The following CNTNAP1 variants were observed in gnomAD, a reference collection of about 807,000 sequenced individuals.
CNTNAP1 encodes contactin-associated protein 1.
Under a neutral mutation model 161.5 loss-of-function variants are expected in CNTNAP1, and 80 were observed. The ratio of observed to expected loss-of-function variants is 0.50; its 90% CI spans 0.41 to 0.60. CNTNAP1 has a LOEUF of 0.60. CNTNAP1 is among the 20% of genes least tolerant of loss of function. The pLI is 0.00. For missense variants in CNTNAP1, 1,464 were observed against 1,854.8 expected (o/e 0.79, Z 3.87); for synonymous variants, 695 against 733.1 (o/e 0.95, Z 0.84).
At position 42,697,268 on chromosome 17, in the gene CNTNAP1, C is replaced by A. The variant is rs745992040; in HGVS notation, c.3475-6C>A. Reference sequence around the variant, plus strand: ...ATCGCCCTCCCCCTCCCCCTCCCCACCTCAGGTGGACTACTTCCCACTGAC... The same window carrying A: ...ATCGCCCTCCCCCTCCCCCTCCCCAACTCAGGTGGACTACTTCCCACTGAC... On this transcript the variant is annotated splice_polypyrimidine_tract_variant and splice_region_variant and intron_variant, in intron 20 of 23. Coordinates refer to ENST00000264638, the MANE Select transcript of CNTNAP1 (RefSeq NM_003632.3). 5 of 1,610,542 alleles carry A rather than the reference C, an allele frequency of 3.1e-6. No homozygotes were observed. Among genetic ancestry groups the A allele is most frequent in the Middle Eastern group, 1.7e-4 (1 of 6,056 alleles).
At position 42,686,150 on chromosome 17, in the gene CNTNAP1, CTAGGGAGGTGCTATTTCGTGG is replaced by C; in HGVS notation, c.900+15_900+35del. ...TGAACCTGGACACTGAGGTGAGAGA[CTAGGGAGGTGCTATTTCGTGG>C]TAGGGTAGATGCTGGATGAGTGAGT... On this transcript the variant is annotated intron_variant, in intron 6 of 23. Transcript: ENST00000264638. 1 of 1,613,544 alleles carries C rather than the reference CTAGGGAGGTGCTATTTCGTGG, an allele frequency of 6.2e-7. No individual in the cohort carries two copies. The highest frequency in any genetic ancestry group is 2.2e-5 in the East Asian group (1 of 44,874).
intron 21 of CNTNAP1, 43 bp downstream of exon 21, chr17:42,697,410 C>T: frequency 6.2e-7 from 1 of 1,608,006 alleles, no homozygotes; most frequent in Non-Finnish European, 8.5e-7. Context: ...GGAGCTGTGG[C>T]ATATGTTCCT....
intron 6 of CNTNAP1, among the ~76,000 whole-genome samples, chr17:42,686,573 T>C (rs1228351835): frequency 6.7e-6 from 1 of 149,860 alleles, no homozygotes; most frequent in African/African-American, 2.4e-5. Context: ...AATTCAGATT[T>C]TGGGGACTAG....
rs1269754489 is a variant in CNTNAP1, at chr17:42,695,888, G to C, written c.3346+14G>C. 2 of 1,605,646 alleles carry C rather than the reference G, an allele frequency of 1.2e-6. No individual in the cohort carries two copies. The highest frequency in any genetic ancestry group is 1.7e-6 in the Non-Finnish European group (2 of 1,173,890). Reference sequence around the variant, plus strand: ...TCAAGGATGATGGTAAGCTCTCCCGGGCTCTCTCACCCCACTCCAGCTTCA... The same window carrying C: ...TCAAGGATGATGGTAAGCTCTCCCGCGCTCTCTCACCCCACTCCAGCTTCA... On this transcript the variant is annotated intron_variant, in intron 19 of 23. Transcript: ENST00000264638.
Position 42,692,625 on chromosome 17 carries a change from A to G in CNTNAP1, c.2657A>G (p.Gln886Arg), listed in dbSNP as rs766349836. The change falls in exon 17 of 24, where the codon CAG becomes CGG. Residue 886 changes from glutamine to arginine, a missense_variant. This residue lies in a region of CNTNAP1 where 1,383 missense variants were observed against 1,765.0 expected (regional missense o/e 0.78). Transcript: ENST00000264638. ...GTCCGGGCTGAAATCAACGTGAAGCAGGCCCGGCTCCGAGTGGATCACCGG... is the reference window on the plus strand; with the variant it reads ...GTCCGGGCTGAAATCAACGTGAAGCGGGCCCGGCTCCGAGTGGATCACCGG... The part of the protein sequence containing the change: ...HLVRAEINVK[Q>R]ARLRVDHRPW... 2.4e-5 allele frequency: 39 copies of G among 1,614,138 alleles called. 1 individual carries two copies. Among genetic ancestry groups the G allele is most frequent in the Middle Eastern group, 3.3e-4 (2 of 6,084 alleles).
chr17:42,685,516 G>A lies in CNTNAP1; in HGVS notation c.715+96G>A. 8.3e-7 allele frequency: 1 copy of A among 1,205,450 alleles called. No homozygotes were observed. The highest frequency in any genetic ancestry group is 2.7e-4 in the Middle Eastern group (1 of 3,674). 74.7% of individuals were successfully genotyped at this position (1,205,450 alleles called of 1,614,324 possible). A position where few individuals can be genotyped will look rare whatever the true frequency, so the allele number is the denominator to read the frequency against. ...TCCTCCGCGCATCCGCGCTCAGCCT[G>A]GTCTTCCACTTCTCTAAGGCCTGGA... On this transcript the variant is annotated intron_variant, in intron 5 of 23. Transcript: ENST00000264638. This position sits in a 1 kb window ranked among gnomAD's most constrained non-coding sequence, Gnocchi z 5.0.
At position 42,693,334 on chromosome 17, in the gene CNTNAP1, C is replaced by T; in HGVS notation, c.2790C>T (p.Cys930=). ...AELKRRPFVG[C]LRAMRLNGVT... is the part of the protein sequence containing the mutation. ...TTAAGAGACGCCCCTTTGTGGGTTG[C>T]TTGAGGGCCATGCGTCTGAACGGAG... is the stretch of plus-strand genomic sequence containing the variant. Residue 930 remains cysteine (C), a synonymous_variant, in exon 18 of 24, where the codon TGC becomes TGT. Coordinates refer to ENST00000264638, the MANE Select transcript of CNTNAP1 (RefSeq NM_003632.3). 6.2e-7 allele frequency: 1 copy of T among 1,614,200 alleles called. No individual in the cohort carries two copies. The highest frequency in any genetic ancestry group is 8.5e-7 in the Non-Finnish European group (1 of 1,180,036).
chr17:42,685,192 G>T lies in CNTNAP1; in HGVS notation c.512-25G>T. On this transcript the variant is annotated intron_variant, in intron 4 of 23. Transcript: ENST00000264638. The surrounding 1 kb of genome is among the most constrained non-coding windows in gnomAD (Gnocchi z 5.0). Reference sequence around the variant, plus strand: ...CTGGGAGACAGCCTCCCCAGTTCCCGGCCCACCTACGGTCCTTTGCGCAGA... The same window carrying T: ...CTGGGAGACAGCCTCCCCAGTTCCCTGCCCACCTACGGTCCTTTGCGCAGA... 1 of 1,612,198 alleles carries T rather than the reference G, an allele frequency of 6.2e-7. No individual in the cohort carries two copies. The highest frequency in any genetic ancestry group is 1.3e-5 in the African/African-American group (1 of 75,036).
At chr17:42,694,080 C>T (rs1209096107) in intron 18 of CNTNAP1, among the ~76,000 whole-genome samples, 2 of 152,006 alleles carry the variant, frequency 1.3e-5, no homozygotes, top group African/African-American at 4.8e-5. Flanking sequence ...AGGCTGGTCT[C>T]GAACTCTTGA....
At chr17:42,686,736 A>C (rs553144623) in intron 6 of CNTNAP1, among the ~76,000 whole-genome samples, 167 bp from the exon 7 acceptor site, 9 of 152,220 alleles carry the variant, frequency 5.9e-5, no homozygotes, top group Non-Finnish European at 1.0e-4. Flanking sequence ...GCTTGAACTC[A>C]AGCCTTGAAA....
rs2053138710 is a variant in CNTNAP1, at chr17:42,695,439, G to A, written c.2993-82G>A. ...TGGCAGAAACTGAAGTAAGTCTCAG[G>A]ATGTGTGTATGGATGACATAAAACC... On this transcript the variant is annotated intron_variant, in intron 18 of 23. Coordinates refer to ENST00000264638, the MANE Select transcript of CNTNAP1 (RefSeq NM_003632.3). 2.8e-5 allele frequency: 31 copies of A among 1,099,804 alleles called. No individual in the cohort carries two copies. In the South Asian group the frequency reaches 4.3e-4, roughly 15 times the overall value. The allele number at this position is 1,099,804 out of a possible 1,614,324, so 68.1% of individuals were successfully genotyped here. A position where few individuals can be genotyped will look rare whatever the true frequency, so the allele number is the denominator to read the frequency against.
rs765569295 is a variant in CNTNAP1, at chr17:42,689,035, G to T, written c.1616G>T (p.Gly539Val). ...GCTGAGGTCCTCTTTGATACATGTG[G>T]CATCACTGATAGGTACCCAGAAGCC... The part of the protein sequence containing the change: ...FYAEVLFDTC[G>V]ITDRCSPNMC... Residue 539 changes from glycine (G) to valine (V), a missense_variant, in exon 10 of 24, where the codon GGC becomes GTC. Gly to Val is a moderately radical substitution (Grantham distance 109). Transcript: ENST00000264638. 1 of 1,585,262 alleles carries T rather than the reference G, an allele frequency of 6.3e-7. No individual in the cohort carries two copies. The highest frequency in any genetic ancestry group is 8.6e-7 in the Non-Finnish European group (1 of 1,164,074).
Position 42,687,117 on chromosome 17 carries a change from A to G in CNTNAP1, c.1044+71A>G. On this transcript the variant is annotated intron_variant, in intron 7 of 23. Coordinates refer to ENST00000264638, the MANE Select transcript of CNTNAP1 (RefSeq NM_003632.3). The surrounding 1 kb of genome is among the most constrained non-coding windows in gnomAD (Gnocchi z 4.7). ...TGGAAAGCAAAGAGGTGGAGCGGGA[A>G]GAGATATTGAACATCAGATAAAAGC... 1 of 1,559,870 alleles carries G rather than the reference A, an allele frequency of 6.4e-7. No homozygotes were observed. The highest frequency in any genetic ancestry group is 2.3e-5 in the East Asian group (1 of 44,102).
In CNTNAP1 at chr17:42,691,183, C is replaced by T. The variant is rs748013360; in HGVS notation, c.2106C>T (p.His702=). 3 of 1,614,068 alleles carry T rather than the reference C, an allele frequency of 1.9e-6. No individual in the cohort carries two copies. Among genetic ancestry groups the T allele is most frequent in the Admixed American group, 1.7e-5 (1 of 60,006 alleles). Residue 702 remains histidine (H), a synonymous_variant, in exon 14 of 24, where the codon CAC becomes CAT. Coordinates refer to ENST00000264638, the MANE Select transcript of CNTNAP1 (RefSeq NM_003632.3). The surrounding 1 kb of genome is among the most constrained non-coding windows in gnomAD (Gnocchi z 4.3). ...GGATTGGCCGAAATGAGGAGCAGCA[C>T]TTCTACTGGGGAGGCTCCCAGCCTG... The part of the protein sequence containing the change: ...SFWIGRNEEQ[H]FYWGGSQPGI...
At chr17:42,688,409 T>G in intron 8 of CNTNAP1, 53 bp from the exon 9 acceptor site, 1 of 1,612,792 alleles carries the variant, frequency 6.2e-7, no homozygotes, top group Non-Finnish European at 8.5e-7. Context: ...AGAACATTCT[T>G]CTACCCTAGT....
rs1337560157 is a variant in CNTNAP1, at chr17:42,685,665, C to T, written c.715+245C>T. On this transcript the variant is annotated intron_variant, in intron 5 of 23. Transcript: ENST00000264638. The surrounding 1 kb of genome is among the most constrained non-coding windows in gnomAD (Gnocchi z 5.0). ...GACCTCGGATGGGGCACTTCCGAGC[C>T]TCAGTTCCCTCCTTGTAAACACACA... Among the ~76,000 whole-genome samples the T allele has an allele frequency of 2.6e-5, 4 of 152,220 alleles. No individual in the cohort carries two copies. Among genetic ancestry groups the T allele is most frequent in the Admixed American group, 2.6e-4 (4 of 15,284 alleles).
rs767850428 is a variant in CNTNAP1 at position 42,693,376 on chromosome 17, G to A, written c.2832G>A (p.Glu944=). 2.5e-6 allele frequency: 4 copies of A among 1,614,226 alleles called. No individual in the cohort carries two copies. The highest frequency in any genetic ancestry group is 2.2e-5 in the South Asian group (2 of 91,088). Reference sequence around the variant, plus strand: ...TGAACGGAGTGACTCTGAACCTGGAGGGCCGTGCCAATGCCTCTGAGGGTA... The same window carrying A: ...TGAACGGAGTGACTCTGAACCTGGAAGGCCGTGCCAATGCCTCTGAGGGTA... ...MRLNGVTLNL[E]GRANASEGTS... The change falls in exon 18 of 24, where the codon GAG becomes GAA. Residue 944 remains glutamate, a synonymous_variant. Transcript: ENST00000264638.
In CNTNAP1 at chr17:42,695,713, A is replaced by AC; in HGVS notation, c.3190dup (p.Arg1064ProfsTer43). The AC allele has an allele frequency of 6.2e-7, 1 of 1,613,940 alleles. No homozygotes were observed. The highest frequency in any genetic ancestry group is 8.5e-7 in the Non-Finnish European group (1 of 1,179,940). On this transcript the variant is annotated frameshift_variant, in exon 19 of 24. Coordinates refer to ENST00000264638, the MANE Select transcript of CNTNAP1 (RefSeq NM_003632.3). LOFTEE classifies it high-confidence loss of function. The stretch of plus-strand genomic sequence containing the variant: ...GGCCCCGGGTACCGCCTGCCCGACT[A>AC]CCCCCGGCCTGGTCGGCCTGTGCCC...
Position 42,691,947 on chromosome 17 carries a change from C to G in CNTNAP1, c.2486C>G (p.Pro829Arg), listed in dbSNP as rs1343627034. ...GTCTTCCTAGAGAATATGGGGGGCC[C>G]TTACTGCCAGTGGCGCCGACCTTAT... ...SGVFLENMGG[P>R]YCQWRRPYVR... is the part of the protein sequence containing the mutation. Residue 829 changes from proline to arginine, a missense_variant, in exon 16 of 24, where the codon CCT (proline) becomes CGT (arginine). Physicochemically the swap from Pro to Arg is moderately radical, Grantham distance 103. This residue lies in a region of CNTNAP1 where 1,383 missense variants were observed against 1,765.0 expected (regional missense o/e 0.78). Coordinates refer to ENST00000264638, the MANE Select transcript of CNTNAP1 (RefSeq NM_003632.3). This position sits in a 1 kb window ranked among gnomAD's most constrained non-coding sequence, Gnocchi z 4.3. The G allele has an allele frequency of 6.2e-7, 1 of 1,614,118 alleles. No individual in the cohort carries two copies. The highest frequency in any genetic ancestry group is 8.5e-7 in the Non-Finnish European group (1 of 1,179,998).
Sources: gnomAD v4.1 joint callset for allele counts (sites outside exome capture counted in the v4.1 genomes callset) on GRCh38, gnomAD v4.1.1 for gene constraint, gnomAD v4.1.1 regional missense constraint, Gnocchi (gnomAD v3.1) non-coding constraint, MANE v1.5 for transcripts, NCBI Gene and HGNC (gene_info 2026-07-23, HGNC 2026-07-21) for gene names.